MAPT: variants seen among roughly 807,000 people sequenced by gnomAD.
MAPT encodes the protein microtubule associated protein tau.
A neutral mutation model predicts 67.9 loss-of-function variants in MAPT; 34 were observed. The ratio of observed to expected loss-of-function variants is 0.50; its 90% CI spans 0.38 to 0.67. The LOEUF is 0.67. Among genes scored for constraint, MAPT ranks in the 30% least tolerant of loss-of-function variants. The pLI, the probability that MAPT is intolerant of heterozygous loss-of-function variation, is 0.00. For missense variants in MAPT, 881 were observed against 1,115.2 expected (o/e 0.79, Z 2.99); for synonymous variants, 456 against 464.5 (o/e 0.98, Z 0.23).
intron 1 of MAPT, among the ~76,000 whole-genome samples, chr17:45,939,146 A>T (rs1239890901): frequency 6.6e-6 from 1 of 151,904 alleles, no homozygotes; most frequent in African/African-American, 2.4e-5. Context: ...TTTTGTAGAG[A>T]TGGGGTTTTA....
intron 1 of MAPT, among the ~76,000 whole-genome samples, chr17:45,901,971 C>G (rs2063642730): frequency 6.6e-6 from 1 of 150,930 alleles, no homozygotes; most frequent in Non-Finnish European, 1.5e-5. Flanking sequence ...ATATTACTCA[C>G]CTTTATGAAG....
intron 8 of MAPT, among the ~76,000 whole-genome samples, chr17:45,991,933 T>G (rs1390276950): frequency 1.3e-5 from 2 of 151,936 alleles, no homozygotes; most frequent in East Asian, 3.9e-4. Flanking sequence ...TACAGGCACC[T>G]GCCACTATGC....
intron 1 of MAPT, among the ~76,000 whole-genome samples, chr17:45,918,325 T>C (rs551910246): frequency 6.6e-5 from 10 of 152,202 alleles, no homozygotes; most frequent in Non-Finnish European, 1.5e-4. Flanking sequence ...TGTCTCTTCC[T>C]GCCACTCTGC....
chr17:45,957,493 A>G (rs17571809), intron 1 of MAPT, among the ~76,000 whole-genome samples: 21,832 of 152,242 alleles, frequency 0.14, 2,140 homozygotes, highest in Non-Finnish European at 0.22. Context: ...TCATTCCCTG[A>G]AAACCTCTGA....
intron 1 of MAPT, among the ~76,000 whole-genome samples, chr17:45,957,215 C>T (rs958766675): frequency 6.6e-6 from 1 of 152,130 alleles, no homozygotes; most frequent in African/African-American, 2.4e-5. Flanking sequence ...GTCCTACCAA[C>T]AGTGTAAAAG....
At chr17:45,964,540 C>T (rs1179379350) in intron 2 of MAPT, among the ~76,000 whole-genome samples, 2 of 151,696 alleles carry the variant, frequency 1.3e-5, no homozygotes, top group African/African-American at 2.4e-5. Flanking sequence ...AAAAATTATC[C>T]GGGCATAGTG....
Position 45,974,480 on chromosome 17 carries a change from A to G in MAPT, c.220+2535A>G, listed in dbSNP as rs1800547. The G allele has an allele frequency of 0.19, 299,986 of 1,590,822 alleles. 32,387 individuals are homozygous for G. Among genetic ancestry groups the G allele is most frequent in the Non-Finnish European group, 0.22 (257,634 of 1,167,348 alleles). ...CCCAGAAGGAACCACAGGTGAGGGT[A>G]AGCCCCAGAGACCCCCAGGCAGTCA... On this transcript the variant is annotated intron_variant, in intron 3 of 12. Transcript: ENST00000262410.
At chr17:45,999,944 A>C (rs1317757743) in intron 9 of MAPT, among the ~76,000 whole-genome samples, 1 of 152,264 alleles carries the variant, frequency 6.6e-6, no homozygotes, top group East Asian at 1.9e-4. Flanking sequence ...TACAGGGTCC[A>C]TGCACAAGAG....
chr17:45,954,506 C>T (rs1170295516), intron 1 of MAPT, among the ~76,000 whole-genome samples: 1 of 152,144 alleles, frequency 6.6e-6, no homozygotes, highest in Non-Finnish European at 1.5e-5. Flanking sequence ...ACCTGTGGTC[C>T]TAGCCACTCG....
At chr17:45,962,134 G>A (rs2070494036) in intron 1 of MAPT, among the ~76,000 whole-genome samples, 187 bp from the exon 2 acceptor site, 1 of 152,176 alleles carries the variant, frequency 6.6e-6, no homozygotes, top group Admixed American at 6.5e-5. Flanking sequence ...CAAGCAGATA[G>A]ATGTAAATAA....
intron 1 of MAPT, among the ~76,000 whole-genome samples, chr17:45,920,941 A>T (rs1204194025): frequency 6.6e-6 from 1 of 152,226 alleles, no homozygotes; most frequent in Non-Finnish European, 1.5e-5. Flanking sequence ...TTACATTTTA[A>T]TGGCAAATTA....
intron 11 of MAPT, among the ~76,000 whole-genome samples, chr17:46,014,907 C>G (rs1233837712): frequency 7.0e-6 from 1 of 142,814 alleles, no homozygotes; most frequent in Non-Finnish European, 1.6e-5. Flanking sequence ...CATGTTCTCG[C>G]TTCTTTGTGG....
chr17:46,014,237 C>T lies in MAPT; in HGVS notation c.2092-6C>T. 6.3e-7 allele frequency: 1 copy of T among 1,591,556 alleles called. No homozygotes were observed. The highest frequency in any genetic ancestry group is 2.2e-5 in the East Asian group (1 of 44,758). The stretch of plus-strand genomic sequence containing the variant: ...CCTCTTCTCTCTCCTCCTCTCTCAT[C>T]TCCAGGTGCAAATAGTCTACAAACC... On this transcript the variant is annotated splice_region_variant and splice_polypyrimidine_tract_variant and intron_variant, in intron 10 of 12. Transcript: ENST00000262410.
At chr17:45,917,831 T>C (rs1048683412) in intron 1 of MAPT, among the ~76,000 whole-genome samples, 6 of 151,856 alleles carry the variant, frequency 4.0e-5, no homozygotes, top group Non-Finnish European at 7.4e-5. Flanking sequence ...TGGAGTGCAG[T>C]GGCACGATCT....
At chr17:45,986,802 G>A (rs1477742497) in intron 5 of MAPT, among the ~76,000 whole-genome samples, 5 of 152,160 alleles carry the variant, frequency 3.3e-5, no homozygotes, top group African/African-American at 1.2e-4. Context: ...TCCCACCCTC[G>A]GCCAGCCTGC....
At chr17:45,977,240 TC>T (rs2061637517) in intron 3 of MAPT, 1 of 152,204 alleles carries the variant, frequency 6.6e-6, no homozygotes, top group Non-Finnish European at 1.5e-5. Context: ...TCCAGGAAAC[TC>T]GAGAACCTTT....
At chr17:45,922,233 C>T (rs1391983904) in intron 1 of MAPT, among the ~76,000 whole-genome samples, 7 of 152,020 alleles carry the variant, frequency 4.6e-5, no homozygotes, top group Admixed American at 4.6e-4. Flanking sequence ...AGGCATGAGC[C>T]ACCGCGGCCA....
At chr17:46,021,458 T>C (rs573869879) in intron 12 of MAPT, among the ~76,000 whole-genome samples, 10 of 152,290 alleles carry the variant, frequency 6.6e-5, no homozygotes, top group African/African-American at 1.9e-4. Context: ...CCTGGCCCCA[T>C]CCCCACAGTC....
At chr17:46,009,026 C>T (rs574646957) in intron 9 of MAPT, among the ~76,000 whole-genome samples, 39 of 152,210 alleles carry the variant, frequency 2.6e-4, no homozygotes, top group African/African-American at 9.2e-4. Context: ...AGCATGACCT[C>T]GTCTCTACAA....
Sources: gnomAD v4.1 joint callset for allele counts (sites outside exome capture counted in the v4.1 genomes callset) on GRCh38, gnomAD v4.1.1 for gene constraint, MANE v1.5 for transcripts, NCBI Gene and HGNC (gene_info 2026-07-23, HGNC 2026-07-21) for gene names.